The following ALK variants were observed in gnomAD, a reference collection of about 807,000 sequenced individuals.
ALK encodes ALK receptor tyrosine kinase, also known as ALK tyrosine kinase receptor.
Under a neutral mutation model 163.1 loss-of-function variants are expected in ALK, and 74 were observed. That is an observed-to-expected ratio of 0.45 (90% CI 0.38 to 0.55). The LOEUF (loss-of-function observed/expected upper bound fraction) is 0.55. ALK is among the 20% of genes least tolerant of loss of function. ALK has a pLI of 0.00. For missense variants in ALK, 2,063 were observed against 2,105.3 expected, an observed-to-expected ratio of 0.98 and a Z score of 0.39; for synonymous variants, 960 against 843.2, an observed-to-expected ratio of 1.14 and a Z score of -2.40.
At position 29,920,826 on chromosome 2, in the gene ALK, C is replaced by A. The variant is rs1350361783; in HGVS notation, c.-167G>T. On this transcript the variant is annotated 5_prime_UTR_variant, in exon 1 of 29. Coordinates refer to ENST00000389048, the MANE Select transcript of ALK (RefSeq NM_004304.5). ...AGTCTCTTGCTTTCCCCCAACTGCACGGAGGCGAGCAGGAGTCTAAATGAA... is the reference window on the plus strand; with the variant it reads ...AGTCTCTTGCTTTCCCCCAACTGCAAGGAGGCGAGCAGGAGTCTAAATGAA... 3.1e-6 allele frequency: 2 copies of A among 640,660 alleles called. No individual in the cohort carries two copies. The highest frequency in any genetic ancestry group is 2.0e-5 in the South Asian group (1 of 51,256). 39.7% of individuals were successfully genotyped at this position (640,660 alleles called of 1,614,324 possible). A position where few individuals can be genotyped will look rare whatever the true frequency, so the allele number is the denominator to read the frequency against.
intron 1 of ALK, among the ~76,000 whole-genome samples, chr2:29,910,070 C>T (rs190016588): frequency 2.7e-5 from 4 of 149,178 alleles, no homozygotes; most frequent in African/African-American, 2.5e-5. Context: ...TATAAGTAGA[C>T]ATAGAAATGA....
intron 3 of ALK, among the ~76,000 whole-genome samples, chr2:29,680,667 G>C (rs867184700): frequency 8.6e-5 from 13 of 151,838 alleles, no homozygotes; most frequent in Non-Finnish European, 1.8e-4. Context: ...TACTTTTAAG[G>C]TTTTATTTTC....
At chr2:29,381,230 G>A (rs1668888487) in intron 5 of ALK, among the ~76,000 whole-genome samples, 1 of 152,266 alleles carries the variant, frequency 6.6e-6, no homozygotes, top group Non-Finnish European at 1.5e-5. Flanking sequence ...CTGCTTTACA[G>A]CATTATCGTA....
At chr2:29,699,052 C>T (rs900484864) in intron 2 of ALK, among the ~76,000 whole-genome samples, 8 of 152,178 alleles carry the variant, frequency 5.3e-5, no homozygotes, top group Non-Finnish European at 7.3e-5. Context: ...AGGTTCTAGA[C>T]CTAGTGTGCT....
chr2:29,821,589 G>A (rs1431026228), intron 1 of ALK, among the ~76,000 whole-genome samples: 2 of 152,158 alleles, frequency 1.3e-5, no homozygotes, highest in Non-Finnish European at 2.9e-5. Context: ...GGAAGCTGGT[G>A]CCATCCCCAG....
chr2:29,309,301 A>T lies in ALK; in HGVS notation c.1647+9003T>A, dbSNP rs17784025. Among the ~76,000 whole-genome samples the T allele has an allele frequency of 3.0e-3, 456 of 152,182 alleles. 3 individuals carry two copies. The highest frequency in any genetic ancestry group is 0.01 in the African/African-American group (434 of 41,506). On this transcript the variant is annotated intron_variant, in intron 8 of 28. Transcript: ENST00000389048. ...ACATGAATGTGTTGCAATGACCACT[A>T]GTGGGAGCCAGAGAGGTCTGTGATT... is the stretch of plus-strand genomic sequence containing the variant.
chr2:29,625,383 C>T (rs1318163317), intron 3 of ALK, among the ~76,000 whole-genome samples: 1 of 152,170 alleles, frequency 6.6e-6, no homozygotes, highest in Admixed American at 6.5e-5. Flanking sequence ...CGCATTTTCC[C>T]AAAAGCTTTC....
At chr2:29,889,526 T>C (rs1396484926) in intron 1 of ALK, among the ~76,000 whole-genome samples, 5 of 151,962 alleles carry the variant, frequency 3.3e-5, no homozygotes, top group Admixed American at 1.3e-4. Context: ...GATAGATAGA[T>C]AGATAGATAG....
chr2:29,215,016 A>T (rs77886394), intron 23 of ALK, among the ~76,000 whole-genome samples: 72 of 152,254 alleles, frequency 4.7e-4, no homozygotes, highest in African/African-American at 1.7e-3. Flanking sequence ...CTGGAGGAGT[A>T]TGATTCACAT....
intron 1 of ALK, among the ~76,000 whole-genome samples, chr2:29,917,961 T>C (rs1482981376): frequency 6.6e-6 from 1 of 152,230 alleles, no homozygotes; most frequent in Non-Finnish European, 1.5e-5. Flanking sequence ...ACTGGGCCAC[T>C]GAGGGAGGGC....
At chr2:29,836,520 C>T (rs926541674) in intron 1 of ALK, among the ~76,000 whole-genome samples, 1 of 152,152 alleles carries the variant, frequency 6.6e-6, no homozygotes, top group Non-Finnish European at 1.5e-5. Context: ...GCTCACAACT[C>T]CCTAGCCAGA....
chr2:29,710,506 G>GTGTGTC (rs1553350612), intron 2 of ALK, among the ~76,000 whole-genome samples: 22 of 122,138 alleles, frequency 1.8e-4, no homozygotes, highest in African/African-American at 1.0e-3. Context: ...GTGCGTGTGT[G>GTGTGTC]TGTGTGTGTG....
intron 1 of ALK, among the ~76,000 whole-genome samples, chr2:29,729,447 T>C (rs913078491): frequency 2.0e-5 from 3 of 151,212 alleles, no homozygotes; most frequent in African/African-American, 7.3e-5. Context: ...GAAAGAGAAA[T>C]CATCTGACAT....
At chr2:29,856,138 T>C (rs2148403823) in intron 1 of ALK, among the ~76,000 whole-genome samples, 1 of 152,274 alleles carries the variant, frequency 6.6e-6, no homozygotes, top group South Asian at 2.1e-4. Flanking sequence ...GACACAGAGT[T>C]GTCAGACGAC....
intron 8 of ALK, among the ~76,000 whole-genome samples, chr2:29,309,791 T>C (rs1666647752): frequency 6.6e-6 from 1 of 152,120 alleles, no homozygotes; most frequent in Non-Finnish European, 1.5e-5. Context: ...GTGGGTTTAT[T>C]GGGCATGTCC....
At chr2:29,630,627 C>T (rs1233131808) in intron 3 of ALK, among the ~76,000 whole-genome samples, 2 of 151,992 alleles carry the variant, frequency 1.3e-5, no homozygotes, top group Non-Finnish European at 2.9e-5. Flanking sequence ...AAGGGTATCA[C>T]TAAAATGTTA....
intron 3 of ALK, among the ~76,000 whole-genome samples, chr2:29,546,982 C>T (rs1290530036): frequency 2.0e-5 from 3 of 152,200 alleles, no homozygotes; most frequent in Non-Finnish European, 4.4e-5. Flanking sequence ...GAATGCATCA[C>T]TGTTTGTCAC....
chr2:29,809,452 A>C (rs1037629294), intron 1 of ALK, among the ~76,000 whole-genome samples: 2 of 152,360 alleles, frequency 1.3e-5, no homozygotes, highest in East Asian at 1.9e-4. Context: ...TGAAAAAATA[A>C]ATGACTACAT....
chr2:29,440,319 T>TTTC (rs199715872), intron 4 of ALK, among the ~76,000 whole-genome samples: 81,257 of 115,770 alleles, frequency 0.7, 25,465 homozygotes, highest in South Asian at 0.78. Flanking sequence ...GATGAATCAA[T>TTTC]TTTTTTTTTT....
Sources: allele counts gnomAD v4.1 joint callset (sites outside exome capture counted in the v4.1 genomes callset), GRCh38; gene constraint gnomAD v4.1.1; transcripts MANE v1.5; gene names NCBI Gene and HGNC (gene_info 2026-07-23, HGNC 2026-07-21).